Variants in ENO4 observed in about 807,000 individuals in gnomAD.
ENO4 encodes enolase 4.
ENO4 carries 53 observed loss-of-function variants against 63.2 expected under a neutral mutation model. That is an observed-to-expected ratio of 0.84 (90% CI 0.67 to 1.05). ENO4 has a LOEUF of 1.05. Among genes scored for constraint, ENO4 ranks in the 50% least tolerant of loss-of-function variants. ENO4 has a pLI of 0.00. For synonymous variants in ENO4, 266 were observed against 283.8 expected (o/e 0.94, Z 0.63); for missense variants, 719 against 772.0 (o/e 0.93, Z 0.81).
rs1295303971 is a variant in ENO4 at position 116,859,092 on chromosome 10, A to G, written c.588A>G (p.Pro196=). 75 of 1,499,438 alleles carry G rather than the reference A, an allele frequency of 5.0e-5. No individual in the cohort carries two copies. In the East Asian group the frequency reaches 1.9e-3, roughly 37 times the overall value. The allele number at this position is 1,499,438 out of a possible 1,614,324, so 92.9% of individuals were successfully genotyped here. ...CTACACCTCTACCTCCAGTACCACC[A>G]CCACCACCCCCTCCACCTCCTACCA... ...TVPTPLPPVP[P]PPPPPPPTKK... Residue 196 remains proline (P), a synonymous_variant, in exon 4 of 14, where the codon CCA becomes CCG. Coordinates refer to ENST00000341276, the MANE Select transcript of ENO4 (RefSeq NM_001242699.2).
chr10:116,901,163 A>G, intron 10 of ENO4: 2 of 985,458 alleles, frequency 2.0e-6, no homozygotes, highest in Non-Finnish European at 2.4e-6. Context: ...ATTTCAAAAA[A>G]GAGCTGCCAT....
In ENO4 at chr10:116,881,699, C is replaced by A; in HGVS notation, c.*30C>A. ...GTACACACCCCAGGTTCCAGCCACA[C>A]CATCAGTATTAGTAGACCGGGAGGT... On this transcript the variant is annotated 3_prime_UTR_variant, in exon 14 of 14. Transcript: ENST00000341276. The A allele has an allele frequency of 6.9e-7, 1 of 1,456,776 alleles. No individual in the cohort carries two copies. The highest frequency in any genetic ancestry group is 2.7e-5 in the Admixed American group (1 of 36,498). The allele number at this position is 1,456,776 out of a possible 1,614,324, so 90.2% of individuals were successfully genotyped here. A position where few individuals can be genotyped will look rare whatever the true frequency, so the allele number is the denominator to read the frequency against.
intron 11 of ENO4, among the ~76,000 whole-genome samples, chr10:116,877,506 T>C (rs1285847348): frequency 6.6e-6 from 1 of 152,070 alleles, no homozygotes; most frequent in Non-Finnish European, 1.5e-5. Context: ...GGCAACAAGA[T>C]CAGATTAGAA....
At chr10:116,893,133 G>A (rs910252465) in intron 10 of ENO4, among the ~76,000 whole-genome samples, 5 of 152,130 alleles carry the variant, frequency 3.3e-5, no homozygotes, top group African/African-American at 7.2e-5. Flanking sequence ...AATTAATCTG[G>A]AGGAAGTTGC....
chr10:116,907,586 C>CA (rs1848022719), intron 10 of ENO4, among the ~76,000 whole-genome samples: 1 of 152,146 alleles, frequency 6.6e-6, no homozygotes, highest in African/African-American at 2.4e-5. Context: ...AGTGTTTGTA[C>CA]AGAACACTGG....
At chr10:116,885,268 T>C (rs1041673924), downstream of ENO4, 5 of 152,664 alleles carry the variant, frequency 3.3e-5, no homozygotes, top group Non-Finnish European at 7.3e-5. Context: ...TACTGAATCA[T>C]TGTCATAAAA....
At chr10:116,887,450 G>A (rs1847201368), downstream of ENO4, among the ~76,000 whole-genome samples, 1 of 152,094 alleles carries the variant, frequency 6.6e-6, no homozygotes, top group African/African-American at 2.4e-5. Flanking sequence ...GCTAGGATCA[G>A]GCCTTTTTGT....
At chr10:116,891,061 G>A (rs1847329435) in intron 10 of ENO4, among the ~76,000 whole-genome samples, 3 of 152,092 alleles carry the variant, frequency 2.0e-5, no homozygotes, top group Admixed American at 2.0e-4. Flanking sequence ...GAGCTCAATT[G>A]AATACAATCA....
intron 11 of ENO4, 77 bp downstream of exon 11, chr10:116,876,337 G>C (rs1481457069): frequency 8.7e-7 from 1 of 1,142,932 alleles, no homozygotes; most frequent in East Asian, 2.9e-5. Context: ...GCATATCAAA[G>C]TTACTAAAAA....
chr10:116,903,606 C>T (rs531359389), intron 10 of ENO4, among the ~76,000 whole-genome samples: 1 of 152,030 alleles, frequency 6.6e-6, no homozygotes, highest in African/African-American at 2.4e-5. Context: ...GACAGAAGGG[C>T]AGAACAGAAA....
chr10:116,853,294 C>CAAAA (rs56885650), intron 1 of ENO4, among the ~76,000 whole-genome samples: 13 of 96,768 alleles, frequency 1.3e-4, no homozygotes, highest in Non-Finnish European at 1.7e-4. Context: ...GACTCCGTCT[C>CAAAA]AAAAAAAAAA....
At chr10:116,850,502 C>A (rs188534115) in intron 1 of ENO4, among the ~76,000 whole-genome samples, 3 of 151,988 alleles carry the variant, frequency 2.0e-5, no homozygotes, top group Non-Finnish European at 4.4e-5. Context: ...CCTTCCAGAT[C>A]TATAAGTAGT....
At chr10:116,850,207 G>C (rs1281066802) in intron 1 of ENO4, 2 of 223,546 alleles carry the variant, frequency 8.9e-6, no homozygotes, top group African/African-American at 4.7e-5. Flanking sequence ...CATCCTACTG[G>C]CTCCTCTGCC....
intron 10 of ENO4, among the ~76,000 whole-genome samples, chr10:116,875,048 G>C (rs1472457870): frequency 1.3e-5 from 2 of 152,048 alleles, no homozygotes; most frequent in Admixed American, 1.3e-4. Flanking sequence ...TTTGACAAAG[G>C]CTTATGTGAC....
Position 116,863,356 on chromosome 10 carries a change from TCA to T in ENO4, c.990+534_990+535del, listed in dbSNP as rs10646641. Among the ~76,000 whole-genome samples, 850 of 147,388 alleles carry T rather than the reference TCA, an allele frequency of 5.8e-3. 6 individuals carry two copies. Among genetic ancestry groups the T allele is most frequent in the East Asian group, 0.028 (137 of 4,968 alleles). ...GGACCCAATCCTTGTCTGTGGGGCTTCACACACACACACACACACACACACAC... is the reference window on the plus strand; with the variant it reads ...GGACCCAATCCTTGTCTGTGGGGCTTCACACACACACACACACACACACAC... On this transcript the variant is annotated intron_variant, in intron 7 of 13. Transcript: ENST00000341276.
chr10:116,894,028 G>A (rs1438397948), intron 10 of ENO4, among the ~76,000 whole-genome samples: 2 of 151,722 alleles, frequency 1.3e-5, no homozygotes, highest in Non-Finnish European at 2.9e-5. Context: ...CCAGTTAGAG[G>A]TCAAACAATG....
intron 10 of ENO4, among the ~76,000 whole-genome samples, chr10:116,875,621 TTTC>T (rs1206259988): frequency 6.7e-6 from 1 of 149,964 alleles, no homozygotes; most frequent in Non-Finnish European, 1.5e-5. Flanking sequence ...AAAATAAGCA[TTTC>T]ATTTCATATG....
At chr10:116,898,549 T>C (rs1847604653) in intron 10 of ENO4, among the ~76,000 whole-genome samples, 1 of 152,180 alleles carries the variant, frequency 6.6e-6, no homozygotes. Flanking sequence ...AATTCTGATC[T>C]AAATTATAAC....
At chr10:116,876,373 G>T (rs1457645725) in intron 11 of ENO4, 113 bp downstream of exon 11, 9 of 908,594 alleles carry the variant, frequency 9.9e-6, no homozygotes, top group Non-Finnish European at 1.4e-5. Flanking sequence ...TGGAAGAAAA[G>T]AAAGTCCAAC....
Sources: allele counts gnomAD v4.1 joint callset (sites outside exome capture counted in the v4.1 genomes callset), GRCh38; gene constraint gnomAD v4.1.1; transcripts MANE v1.5; gene names NCBI Gene and HGNC (gene_info 2026-07-23, HGNC 2026-07-21).